The following GRIP1 variants were observed in gnomAD, a reference collection of about 807,000 sequenced individuals.
The protein encoded by GRIP1 is glutamate receptor interacting protein 1.
A neutral mutation model predicts 129.9 loss-of-function variants in GRIP1; 45 were observed. The ratio of observed to expected loss-of-function variants is 0.35; its 90% CI spans 0.27 to 0.44. The LOEUF is 0.44. Ranked by LOEUF, GRIP1 falls within the 20% of genes least tolerant of loss-of-function variation. The pLI, the probability that GRIP1 is intolerant of heterozygous loss-of-function variation, is 1.00. For synonymous variants in GRIP1, 530 were observed against 520.8 expected, an observed-to-expected ratio of 1.02 and a Z score of -0.24; for missense variants, 1,196 against 1,396.8, an observed-to-expected ratio of 0.86 and a Z score of 2.29.
chr12:66,714,027 C>T (rs190311937), intron 1 of GRIP1, among the ~76,000 whole-genome samples: 184 of 152,212 alleles, frequency 1.2e-3, no homozygotes, highest in African/African-American at 3.0e-3. Flanking sequence ...ATTCCCCACA[C>T]TGAAGGATTG....
At chr12:66,919,818 C>T (rs976243997) in intron 1 of GRIP1, among the ~76,000 whole-genome samples, 5 of 152,178 alleles carry the variant, frequency 3.3e-5, no homozygotes, top group African/African-American at 9.6e-5. Context: ...GCTGGAGATA[C>T]GTTAAGGCAA....
At chr12:66,816,872 G>A (rs1036899500) in intron 1 of GRIP1, among the ~76,000 whole-genome samples, 1 of 151,934 alleles carries the variant, frequency 6.6e-6, no homozygotes, top group African/African-American at 2.4e-5. Context: ...TCATATATTT[G>A]CTTCATGATT....
intron 22 of GRIP1, among the ~76,000 whole-genome samples, chr12:66,376,454 A>G (rs1159845410): frequency 2.6e-5 from 4 of 152,216 alleles, no homozygotes; most frequent in African/African-American, 7.2e-5. Flanking sequence ...TTCCTAGACT[A>G]AAGTGTGAAT....
chr12:66,859,216 G>A (rs2040058358), intron 1 of GRIP1, among the ~76,000 whole-genome samples: 1 of 116,354 alleles, frequency 8.6e-6, no homozygotes, highest in Non-Finnish European at 1.8e-5. Context: ...CCAGGAAATA[G>A]CAAAATGAGG....
chr12:66,995,930 C>T (rs1441136671), intron 1 of GRIP1, among the ~76,000 whole-genome samples: 3 of 151,978 alleles, frequency 2.0e-5, no homozygotes, highest in East Asian at 1.9e-4. Context: ...CCCAAATGTC[C>T]GTCAACTGAT....
At chr12:66,474,371 CAG>C (rs752292498) in intron 7 of GRIP1, among the ~76,000 whole-genome samples, 1 of 152,076 alleles carries the variant, frequency 6.6e-6, no homozygotes, top group Non-Finnish European at 1.5e-5. Context: ...CTGAAAGTGA[CAG>C]AGAGAATGGA....
rs867442272 is a variant in GRIP1, at chr12:66,397,697, G to A, written c.1985-3345C>T. On this transcript the variant is annotated intron_variant, in intron 16 of 24. Transcript: ENST00000359742. ...TTGAAAGAGTATTTTTTAGGCATAC[G>A]TTAGTAAAAAGATGGGATGATGCCT... 4.6e-5 allele frequency among the ~76,000 whole-genome samples: 7 copies of A among 152,198 alleles called. 1 individual carries two copies. In the South Asian group the frequency reaches 1.5e-3, roughly 32 times the overall value.
chr12:66,804,393 T>C (rs1318857905), upstream of GRIP1, among the ~76,000 whole-genome samples: 1 of 151,834 alleles, frequency 6.6e-6, no homozygotes, highest in Admixed American at 6.6e-5. Flanking sequence ...ACCTTGACAA[T>C]ATTTCTCATT....
At chr12:66,833,427 C>A (rs74677808) in intron 1 of GRIP1, among the ~76,000 whole-genome samples, 2,758 of 149,608 alleles carry the variant, frequency 0.018, 81 homozygotes, top group African/African-American at 0.062. Flanking sequence ...TCACATTACT[C>A]AGGCATTCTG....
rs190551795 is a variant in GRIP1, at chr12:66,696,265, A to G, written c.-419-65929T>C. Among the ~76,000 whole-genome samples the G allele has an allele frequency of 9.2e-5, 14 of 152,280 alleles. No homozygotes were observed. In the East Asian group the frequency reaches 2.3e-3, roughly 25 times the overall value. ...CAAGTCAACCTATTCATTTCTCTCA[A>G]TCTACAGAAAACTCTAGCTCTGCAA... On this transcript the variant is annotated intron_variant, in intron 1 of 4. Coordinates refer to the GRIP1 transcript ENST00000538373.
At chr12:66,726,892 A>G (rs750490653) in intron 1 of GRIP1, among the ~76,000 whole-genome samples, 1 of 152,212 alleles carries the variant, frequency 6.6e-6, no homozygotes, top group Admixed American at 6.5e-5. Flanking sequence ...CAAGAGACCA[A>G]TGTGCCCTTC....
intron 1 of GRIP1, among the ~76,000 whole-genome samples, chr12:66,642,577 C>T (rs1418172508): frequency 2.6e-5 from 4 of 152,128 alleles, no homozygotes; most frequent in Non-Finnish European, 5.9e-5. Flanking sequence ...AAGCAGATTC[C>T]TGCTTTAGGA....
intron 2 of GRIP1, among the ~76,000 whole-genome samples, chr12:66,542,736 A>C (rs1344204269): frequency 6.6e-6 from 1 of 152,222 alleles, no homozygotes; most frequent in Admixed American, 6.5e-5. Flanking sequence ...AGTAGAGTCA[A>C]TATTTACCTT....
At chr12:66,954,701 T>G (rs893516398) in intron 1 of GRIP1, among the ~76,000 whole-genome samples, 7 of 152,248 alleles carry the variant, frequency 4.6e-5, no homozygotes, top group African/African-American at 1.7e-4. Context: ...TGCCAGGCAC[T>G]GATTTTAGCA....
At chr12:67,024,640 T>A (rs2042915301) in intron 1 of GRIP1, among the ~76,000 whole-genome samples, 1 of 152,162 alleles carries the variant, frequency 6.6e-6, no homozygotes, top group South Asian at 2.1e-4. Context: ...AATTATAAAT[T>A]GTAGATAGGA....
chr12:66,692,728 C>T (rs1314903940), intron 1 of GRIP1, among the ~76,000 whole-genome samples: 2 of 152,100 alleles, frequency 1.3e-5, no homozygotes, highest in African/African-American at 4.8e-5. Flanking sequence ...TGAAAAACAA[C>T]CAGTACCCAG....
intron 1 of GRIP1, among the ~76,000 whole-genome samples, chr12:66,609,841 T>G (rs2064712336): frequency 6.6e-6 from 1 of 152,186 alleles, no homozygotes; most frequent in African/African-American, 2.4e-5. Context: ...CTTCCATCAC[T>G]GTTTGTCAAT....
chr12:66,899,910 T>C (rs929142197), intron 1 of GRIP1, among the ~76,000 whole-genome samples: 4 of 152,150 alleles, frequency 2.6e-5, no homozygotes, highest in Non-Finnish European at 4.4e-5. Context: ...AGTCTATATA[T>C]GTGATTTTCA....
chr12:66,925,726 C>A (rs2041285674), intron 1 of GRIP1, among the ~76,000 whole-genome samples: 1 of 152,106 alleles, frequency 6.6e-6, no homozygotes, highest in Non-Finnish European at 1.5e-5. Context: ...CTCACTGCAA[C>A]CTCCACCTCC....
Sources: allele counts gnomAD v4.1 joint callset (sites outside exome capture counted in the v4.1 genomes callset), GRCh38; gene constraint gnomAD v4.1.1; transcripts MANE v1.5; gene names NCBI Gene and HGNC (gene_info 2026-07-23, HGNC 2026-07-21).